Variants in SHB observed in about 807,000 individuals in gnomAD.
The protein encoded by SHB is SH2 domain-containing adapter protein B.
In SHB, 20 loss-of-function variants were observed where a neutral mutation model predicts 52.3. That is an observed-to-expected ratio of 0.38 (90% CI 0.27 to 0.56). SHB has a LOEUF of 0.56. Ranked by LOEUF, SHB falls within the 20% of genes least tolerant of loss-of-function variation. SHB has a pLI of 0.71. For synonymous variants in SHB, 397 were observed against 316.5 expected (o/e 1.25, Z -2.70); for missense variants, 825 against 723.3 (o/e 1.14, Z -1.61).
At chr9:38,005,582 T>A (rs749005954) in intron 2 of SHB, among the ~76,000 whole-genome samples, 8 of 152,130 alleles carry the variant, frequency 5.3e-5, no homozygotes, top group Non-Finnish European at 1.2e-4. Flanking sequence ...GACTCAGCTT[T>A]CTCATCTGCA....
At chr9:38,009,714 C>T in intron 2 of SHB, among the ~76,000 whole-genome samples, 1 of 152,220 alleles carries the variant, frequency 6.6e-6, no homozygotes, top group Admixed American at 6.5e-5. Context: ...CCTTTAAAAT[C>T]AGTGACTGGC....
chr9:37,970,483 G>A (rs886735532), intron 3 of SHB, among the ~76,000 whole-genome samples: 4 of 151,956 alleles, frequency 2.6e-5, no homozygotes, highest in East Asian at 1.9e-4. Context: ...CAAGAAGGGC[G>A]CCCCGGTGGA....
At chr9:38,066,428 CG>C (rs550125440) in intron 1 of SHB, among the ~76,000 whole-genome samples, 71 of 152,324 alleles carry the variant, frequency 4.7e-4, no homozygotes, top group African/African-American at 1.5e-3. Context: ...TAAGACTGCA[CG>C]GAGCCTATCT....
intron 1 of SHB, 106 bp downstream of exon 1, chr9:38,067,823 A>G: frequency 8.1e-7 from 1 of 1,236,760 alleles, no homozygotes; most frequent in South Asian, 1.8e-5. Flanking sequence ...CCAGGGTCCT[A>G]GGCCGAAGCT....
intron 2 of SHB, among the ~76,000 whole-genome samples, chr9:37,979,815 G>C (rs536857326): frequency 2.0e-5 from 3 of 152,142 alleles, no homozygotes; most frequent in Admixed American, 6.5e-5. Flanking sequence ...AAATTAGCCA[G>C]GCATGGTGGC....
intron 1 of SHB, among the ~76,000 whole-genome samples, chr9:38,043,466 T>C (rs746416644): frequency 2.0e-5 from 3 of 152,116 alleles, no homozygotes; most frequent in Non-Finnish European, 4.4e-5. Context: ...AAGTGATCAC[T>C]GGAAGCACCG....
At chr9:38,033,887 G>A (rs1821449383) in intron 1 of SHB, among the ~76,000 whole-genome samples, 1 of 152,186 alleles carries the variant, frequency 6.6e-6, no homozygotes, top group Non-Finnish European at 1.5e-5. Flanking sequence ...CTGGATTTAA[G>A]AAGGGGGAGG....
At chr9:38,018,568 T>C (rs541160076) in intron 1 of SHB, among the ~76,000 whole-genome samples, 3 of 151,442 alleles carry the variant, frequency 2.0e-5, no homozygotes, top group South Asian at 4.2e-4. Flanking sequence ...GTTCCTAAAA[T>C]GTATATTTAA....
chr9:38,020,631 T>A (rs563502775), intron 1 of SHB, among the ~76,000 whole-genome samples: 1 of 152,310 alleles, frequency 6.6e-6, no homozygotes, highest in South Asian at 2.1e-4. Flanking sequence ...TGCAATCATG[T>A]GGGCTGGCTC....
intron 1 of SHB, among the ~76,000 whole-genome samples, chr9:38,027,219 G>C (rs977103721): frequency 6.6e-6 from 1 of 152,242 alleles, no homozygotes; most frequent in Admixed American, 6.5e-5. Context: ...GGCCTCCAGG[G>C]TGGTGGATTC....
At chr9:38,064,268 C>T (rs1484409362) in intron 1 of SHB, among the ~76,000 whole-genome samples, 1 of 152,106 alleles carries the variant, frequency 6.6e-6, no homozygotes, top group East Asian at 1.9e-4. Context: ...CCTGGATGCC[C>T]CTCCACCATG....
intron 2 of SHB, among the ~76,000 whole-genome samples, chr9:37,993,747 C>T (rs1279966535): frequency 1.3e-5 from 2 of 151,898 alleles, no homozygotes; most frequent in Admixed American, 6.6e-5. Context: ...TTGAGAAATA[C>T]GGAATTTTTG....
chr9:37,990,448 C>T (rs1027781905), intron 2 of SHB, among the ~76,000 whole-genome samples: 2 of 152,166 alleles, frequency 1.3e-5, no homozygotes, highest in African/African-American at 4.8e-5. Flanking sequence ...GAACCCAGCT[C>T]CACAGATGCT....
At chr9:37,927,499 C>T (rs1397331338) in intron 5 of SHB, among the ~76,000 whole-genome samples, 1 of 152,192 alleles carries the variant, frequency 6.6e-6, no homozygotes, top group Non-Finnish European at 1.5e-5. Flanking sequence ...GGGTGAAGGC[C>T]TTCAGTAAAT....
chr9:38,020,791 G>A (rs1380557246), intron 1 of SHB, among the ~76,000 whole-genome samples: 2 of 152,188 alleles, frequency 1.3e-5, no homozygotes, highest in African/African-American at 4.8e-5. Context: ...AAAGACTTCT[G>A]CCCTGTCACC....
rs1442828179 is a variant in SHB at position 38,039,079 on chromosome 9, C to T, written c.718-22948G>A. On this transcript the variant is annotated intron_variant, in intron 1 of 5. Coordinates refer to ENST00000377707, the MANE Select transcript of SHB (RefSeq NM_003028.3). Reference sequence around the variant, plus strand: ...GGGCGTGACAGCCCAGGACACTACACTACAAAAAAGGGGTCGCCAGAGAAC... The same window carrying T: ...GGGCGTGACAGCCCAGGACACTACATTACAAAAAAGGGGTCGCCAGAGAAC... Among the ~76,000 whole-genome samples, 3 of 152,080 alleles carry T rather than the reference C, an allele frequency of 2.0e-5. No individual in the cohort carries two copies. In the East Asian group the frequency reaches 5.8e-4, roughly 29 times the overall value.
At chr9:38,059,625 T>A (rs923916285) in intron 1 of SHB, among the ~76,000 whole-genome samples, 1 of 152,242 alleles carries the variant, frequency 6.6e-6, no homozygotes, top group Non-Finnish European at 1.5e-5. Context: ...CCTCTGTCGA[T>A]GCTCCTTAAT....
At chr9:37,940,395 G>T (rs1472128153) in intron 5 of SHB, among the ~76,000 whole-genome samples, 1 of 152,206 alleles carries the variant, frequency 6.6e-6, no homozygotes, top group Non-Finnish European at 1.5e-5. Context: ...TTCTCATTTA[G>T]TCCTCTGCAA....
At position 37,927,448 on chromosome 9, in the gene SHB, G is replaced by A. The variant is rs543605156; in HGVS notation, c.1347-7444C>T. Among the ~76,000 whole-genome samples the A allele has an allele frequency of 3.0e-4, 45 of 152,346 alleles. No homozygotes were observed. The South Asian group carries it at 8.3e-3, about 28-fold the overall frequency. On this transcript the variant is annotated intron_variant, in intron 5 of 5. Coordinates refer to ENST00000377707, the MANE Select transcript of SHB (RefSeq NM_003028.3). ...CGCATCAGCAGCGATTAGCCTACCC[G>A]AGACGCCAGGGCATTTCTCAAGCTC...
Sources: allele counts gnomAD v4.1 joint callset (sites outside exome capture counted in the v4.1 genomes callset), GRCh38; gene constraint gnomAD v4.1.1; transcripts MANE v1.5; gene names NCBI Gene and HGNC (gene_info 2026-07-23, HGNC 2026-07-21).